DYNLT1: variants seen among roughly 807,000 people sequenced by gnomAD.
DYNLT1 encodes the protein dynein light chain Tctex-type 1.
In DYNLT1, 18 loss-of-function variants were observed where a neutral mutation model predicts 19.6. The ratio of observed to expected loss-of-function variants is 0.92; its 90% confidence interval spans 0.64 to 1.36. The LOEUF is 1.36. Among genes scored for constraint, DYNLT1 ranks in the 40% most tolerant of loss-of-function variants. The pLI is 0.00. For missense variants in DYNLT1, 137 were observed against 139.3 expected, an observed-to-expected ratio of 0.98 and a Z score of 0.08; for synonymous variants, 56 against 44.0, an observed-to-expected ratio of 1.27 and a Z score of -1.07.
intron 1 of DYNLT1, among the ~76,000 whole-genome samples, chr6:158,643,917 G>A (rs1452014809): frequency 6.6e-6 from 1 of 152,014 alleles, no homozygotes; most frequent in Non-Finnish European, 1.5e-5. Context: ...GAAAATGAGT[G>A]TTGTATCTCA....
chr6:158,642,144 T>C (rs1350573960), intron 1 of DYNLT1: 1 of 152,208 alleles, frequency 6.6e-6, no homozygotes, highest in Non-Finnish European at 1.5e-5. Flanking sequence ...GATTACATTA[T>C]CTCCAGGTAA....
chr6:158,637,352 T>C, intron 3 of DYNLT1, 147 bp from the exon 4 acceptor site: 1 of 690,924 alleles, frequency 1.4e-6, no homozygotes, highest in Non-Finnish European at 2.5e-6. Flanking sequence ...CTTGTCTCAC[T>C]ATATTGACAA....
intron 2 of DYNLT1, among the ~76,000 whole-genome samples, chr6:158,640,083 C>T (rs1787104541): frequency 6.6e-6 from 1 of 152,188 alleles, no homozygotes; most frequent in African/African-American, 2.4e-5. Context: ...CAACAAGCCC[C>T]CTCCACTGTT....
intron 2 of DYNLT1, among the ~76,000 whole-genome samples, chr6:158,640,267 C>G (rs1787108674): frequency 6.6e-6 from 1 of 152,232 alleles, no homozygotes; most frequent in Non-Finnish European, 1.5e-5. Flanking sequence ...CCTTTGGATA[C>G]TGATCACAAA....
intron 2 of DYNLT1, among the ~76,000 whole-genome samples, chr6:158,639,093 A>G (rs994032859): frequency 1.3e-5 from 2 of 152,084 alleles, no homozygotes; most frequent in African/African-American, 4.8e-5. Flanking sequence ...CAGGGATCTG[A>G]GCTGTGCATG....
chr6:158,642,764 C>T (rs528680903), intron 1 of DYNLT1: 2 of 152,294 alleles, frequency 1.3e-5, no homozygotes, highest in South Asian at 2.1e-4. Flanking sequence ...ACTGTATCAC[C>T]TCCCATATGG....
Position 158,636,802 on chromosome 6 carries a change from G to A in DYNLT1, c.*25C>T. 1.2e-6 allele frequency: 2 copies of A among 1,601,400 alleles called. No individual in the cohort carries two copies. Among genetic ancestry groups the A allele is most frequent in the Non-Finnish European group, 1.7e-6 (2 of 1,173,686 alleles). ...AGAGGATGAACTAGAGACAAAAGGA[G>A]AAAGGCCATAGGCTGGACTGCAGGT... On this transcript the variant is annotated 3_prime_UTR_variant, in exon 5 of 5. Coordinates refer to ENST00000367089, the MANE Select transcript of DYNLT1 (RefSeq NM_006519.4).
Position 158,637,645 on chromosome 6 carries a change from G to A in DYNLT1, c.193+126C>T, listed in dbSNP as rs776111328. The A allele has an allele frequency of 2.1e-5, 31 of 1,468,770 alleles. No homozygotes were observed. The African/African-American group carries it at 2.8e-4, about 13-fold the overall frequency. 91.0% of individuals were successfully genotyped at this position (1,468,770 alleles called of 1,614,324 possible). ...GTACGCTAACGTATACTACACACAC[G>A]ACCGACTCCCACCAGGAGCCTTCCT... On this transcript the variant is annotated intron_variant, in intron 3 of 4. Transcript: ENST00000367089.
At chr6:158,637,956 CA>C in intron 2 of DYNLT1, 62 bp from the exon 3 acceptor site, 1 of 1,585,310 alleles carries the variant, frequency 6.3e-7, no homozygotes, top group Non-Finnish European at 8.5e-7. Flanking sequence ...ACCTTTCAAT[CA>C]GGAACTGACG....
In DYNLT1 at chr6:158,644,650, C is replaced by T. The variant is rs549959549; in HGVS notation, c.27+32G>A. ...TCCTTCCGCGGCCAGGGCTCTAGGC[C>T]TCCACCCTTCCGTCGCCGACCCGGC... On this transcript the variant is annotated intron_variant, in intron 1 of 4. Transcript: ENST00000367089. 37 of 1,611,406 alleles carry T rather than the reference C, an allele frequency of 2.3e-5. No homozygotes were observed. The East Asian group carries it at 7.4e-4, about 32-fold the overall frequency.
chr6:158,644,719 G>T lies in DYNLT1; in HGVS notation c.-11C>A, dbSNP rs747491076. ...CTGGTAGTCTTCCATCTTTCCTCCG[G>T]CGCGTCCCCTCCGGCTCCCTGAGTG... On this transcript the variant is annotated 5_prime_UTR_variant, in exon 1 of 5. Coordinates refer to ENST00000367089, the MANE Select transcript of DYNLT1 (RefSeq NM_006519.4). 5.0e-6 allele frequency: 8 copies of T among 1,611,044 alleles called. No homozygotes were observed. The highest frequency in any genetic ancestry group is 6.8e-6 in the Non-Finnish European group (8 of 1,179,672).
Position 158,639,422 on chromosome 6 carries a change from TG to T in DYNLT1, c.70-1529del, listed in dbSNP as rs532463349. 5.2e-3 allele frequency among the ~76,000 whole-genome samples: 789 copies of T among 152,108 alleles called. 5 individuals carry two copies. The highest frequency in any genetic ancestry group is 0.018 in the African/African-American group (743 of 41,484). On this transcript the variant is annotated intron_variant, in intron 2 of 4. Transcript: ENST00000367089. ...AAGCTAAACCTCTCCCGTCAAAGGG[TG>T]GGGGAGGCTTTGTTGAAGGTAAACC...
At chr6:158,637,053 T>C (rs781740798) in intron 4 of DYNLT1, 75 bp downstream of exon 4, 1 of 1,583,496 alleles carries the variant, frequency 6.3e-7, no homozygotes, top group South Asian at 1.1e-5. Context: ...AAACATGCAT[T>C]GCATTCAAAG....
In DYNLT1 at chr6:158,637,214, A is replaced by AAAAC; in HGVS notation, c.194-13_194-10dup. On this transcript the variant is annotated splice_polypyrimidine_tract_variant and intron_variant, in intron 3 of 4. Coordinates refer to ENST00000367089, the MANE Select transcript of DYNLT1 (RefSeq NM_006519.4). Reference sequence around the variant, plus strand: ...CATAATTACACAGGTCACTTAAGTTAAAACAAATTTTTGTTAGAGAAGTCT... The same window carrying AAAAC: ...CATAATTACACAGGTCACTTAAGTTAAAACAAACAAATTTTTGTTAGAGAAGTCT... 6.2e-7 allele frequency: 1 copy of AAAAC among 1,612,608 alleles called. No individual in the cohort carries two copies. Among genetic ancestry groups the AAAAC allele is most frequent in the Non-Finnish European group, 8.5e-7 (1 of 1,179,392 alleles).
chr6:158,637,918 G>A (rs199887878), intron 2 of DYNLT1, 24 bp from the exon 3 acceptor site: 50 of 1,598,380 alleles, frequency 3.1e-5, no homozygotes, highest in South Asian at 2.4e-4. Flanking sequence ...CACAAAGCGC[G>A]TCCCGGTTAA....
At chr6:158,641,179 T>C in intron 2 of DYNLT1, 140 bp downstream of exon 2, 1 of 661,308 alleles carries the variant, frequency 1.5e-6, no homozygotes, top group East Asian at 3.2e-5. Flanking sequence ...TATCTAGCTA[T>C]TTACTGAAGT....
intron 2 of DYNLT1, 46 bp from the exon 3 acceptor site, chr6:158,637,940 C>T: frequency 1.9e-6 from 3 of 1,592,662 alleles, no homozygotes; most frequent in Non-Finnish European, 2.6e-6. Context: ...CAAATGCACC[C>T]ACACCACCTT....
rs181692722 is a variant in DYNLT1 at position 158,642,140 on chromosome 6, A to G, written c.28-780T>C. On this transcript the variant is annotated intron_variant, in intron 1 of 4. Transcript: ENST00000367089. ...TACTTGTAAAATGTACGATGATTAC[A>G]TTATCTCCAGGTAATTATTTTTCTT... The G allele has an allele frequency of 2.0e-5, 3 of 152,324 alleles. No individual in the cohort carries two copies. The East Asian group carries it at 5.8e-4, about 29-fold the overall frequency. The allele number at this position is 152,324 out of a possible 1,614,324, so 9.4% of individuals were successfully genotyped here.
At chr6:158,638,224 T>C (rs937141969) in intron 2 of DYNLT1, among the ~76,000 whole-genome samples, 1 of 152,158 alleles carries the variant, frequency 6.6e-6, no homozygotes, top group African/African-American at 2.4e-5. Flanking sequence ...TTTTATCTAC[T>C]ACTACCTAAC....
Sources: allele counts gnomAD v4.1 joint callset (sites outside exome capture counted in the v4.1 genomes callset), GRCh38; gene constraint gnomAD v4.1.1; transcripts MANE v1.5; gene names NCBI Gene and HGNC (gene_info 2026-07-23, HGNC 2026-07-21).